The following MAGI2 variants were observed in gnomAD, a reference collection of about 807,000 sequenced individuals.
The protein encoded by MAGI2 is membrane-associated guanylate kinase, WW and PDZ domain-containing protein 2.
A neutral mutation model predicts 133.3 loss-of-function variants in MAGI2; 35 were observed. The observed-to-expected ratio is 0.26, with a 90% CI of 0.20 to 0.35. MAGI2 has a LOEUF of 0.35. MAGI2 is among the 10% of genes least tolerant of loss of function. The pLI is 1.00. For missense variants in MAGI2, 1,636 were observed against 1,863.4 expected (o/e 0.88, Z 2.25); for synonymous variants, 729 against 710.6 (o/e 1.03, Z -0.41).
At chr7:79,327,913 G>C (rs11977807) in intron 1 of MAGI2, among the ~76,000 whole-genome samples, 1 of 151,932 alleles carries the variant, frequency 6.6e-6, no homozygotes, top group African/African-American at 2.4e-5. Context: ...TTTTAAACTT[G>C]TATCAAATAT....
intron 1 of MAGI2, among the ~76,000 whole-genome samples, chr7:79,123,312 C>T (rs1820078001): frequency 6.6e-6 from 1 of 152,000 alleles, no homozygotes; most frequent in African/African-American, 2.4e-5. Context: ...TGAAGGGAAA[C>T]AGGGCTAATA....
At chr7:78,805,059 C>T (rs990579727) in intron 2 of MAGI2, among the ~76,000 whole-genome samples, 1 of 150,870 alleles carries the variant, frequency 6.6e-6, no homozygotes, top group Non-Finnish European at 1.5e-5. Flanking sequence ...CAGCAAGACT[C>T]TGTCTCAAAA....
intron 1 of MAGI2, among the ~76,000 whole-genome samples, chr7:79,368,000 A>G (rs1436176999): frequency 2.0e-5 from 3 of 151,776 alleles, no homozygotes. Flanking sequence ...TGTCTTCCAC[A>G]GGATAATTTC....
intron 2 of MAGI2, among the ~76,000 whole-genome samples, chr7:78,964,096 C>T (rs1803098766): frequency 6.6e-6 from 1 of 151,824 alleles, no homozygotes; most frequent in Non-Finnish European, 1.5e-5. Context: ...TTTAGCCCTC[C>T]TACTTTCCTT....
At chr7:79,415,419 G>C (rs1244203237) in intron 1 of MAGI2, 1 of 152,206 alleles carries the variant, frequency 6.6e-6, no homozygotes, top group Admixed American at 6.6e-5. Context: ...GACCCATCAA[G>C]CAGGTATGCG....
chr7:79,082,641 C>T (rs1259038795), intron 1 of MAGI2, among the ~76,000 whole-genome samples: 1 of 151,984 alleles, frequency 6.6e-6, no homozygotes, highest in Admixed American at 6.6e-5. Flanking sequence ...AATTTATAAG[C>T]TCTGCTACTT....
chr7:79,152,621 G>A (rs576758489), intron 1 of MAGI2, among the ~76,000 whole-genome samples: 5 of 152,182 alleles, frequency 3.3e-5, no homozygotes, highest in South Asian at 2.1e-4. Context: ...CCAGGGAGGC[G>A]GGAAGTGCTT....
chr7:78,754,370 C>CAAGT (rs36017820), intron 2 of MAGI2, among the ~76,000 whole-genome samples: 33,326 of 147,200 alleles, frequency 0.23, 3,957 homozygotes, highest in East Asian at 0.27. Context: ...GACCCTGTCT[C>CAAGT]AAATAAATAA....
chr7:78,098,712 AT>A, intron 20 of MAGI2, among the ~76,000 whole-genome samples: 1 of 152,208 alleles, frequency 6.6e-6, no homozygotes, highest in East Asian at 1.9e-4. Context: ...ATTTACACCA[AT>A]TTCCAGTAGT....
At chr7:79,062,733 C>T (rs1000818352) in intron 1 of MAGI2, among the ~76,000 whole-genome samples, 2 of 152,090 alleles carry the variant, frequency 1.3e-5, no homozygotes, top group African/African-American at 4.8e-5. Flanking sequence ...GAGGAAGCTC[C>T]TTCCACCTCC....
chr7:79,142,502 A>G (rs907023955), intron 1 of MAGI2, among the ~76,000 whole-genome samples: 25 of 152,204 alleles, frequency 1.6e-4, no homozygotes, highest in Non-Finnish European at 2.9e-4. Context: ...CGTTCTAGAA[A>G]GAGGACCTGA....
At chr7:78,748,233 T>G (rs1247189255) in intron 2 of MAGI2, among the ~76,000 whole-genome samples, 2 of 152,180 alleles carry the variant, frequency 1.3e-5, no homozygotes, top group Non-Finnish European at 2.9e-5. Flanking sequence ...AATATTGAAC[T>G]TTGGAATTAT....
chr7:78,866,599 G>A (rs1287041257), intron 2 of MAGI2, among the ~76,000 whole-genome samples: 1 of 151,828 alleles, frequency 6.6e-6, no homozygotes, highest in Non-Finnish European at 1.5e-5. Context: ...CTGCTTATCG[G>A]GGCTGCTGGA....
intron 2 of MAGI2, among the ~76,000 whole-genome samples, chr7:78,840,569 T>G (rs886707670): frequency 6.6e-6 from 1 of 152,016 alleles, no homozygotes; most frequent in African/African-American, 2.4e-5. Flanking sequence ...AGAGAAATGT[T>G]TTCAGCTGCT....
intron 9 of MAGI2, among the ~76,000 whole-genome samples, chr7:78,298,530 CAG>C (rs1797521609): frequency 1.3e-5 from 2 of 152,164 alleles, no homozygotes; most frequent in East Asian, 1.9e-4. Flanking sequence ...GTTTTTGAGA[CAG>C]AAACTCTGTC....
chr7:78,744,957 T>C (rs903002129), intron 2 of MAGI2, among the ~76,000 whole-genome samples: 1 of 152,198 alleles, frequency 6.6e-6, no homozygotes, highest in African/African-American at 2.4e-5. Context: ...TAATAATAGT[T>C]AGAGCTGACT....
chr7:79,262,710 G>A (rs1357246241), intron 1 of MAGI2, among the ~76,000 whole-genome samples: 1 of 152,324 alleles, frequency 6.6e-6, no homozygotes, highest in East Asian at 1.9e-4. Flanking sequence ...TGTGAGTTAT[G>A]TGACATGCAT....
intron 2 of MAGI2, among the ~76,000 whole-genome samples, chr7:78,837,420 T>G (rs1397576853): frequency 6.6e-6 from 1 of 152,140 alleles, no homozygotes; most frequent in Non-Finnish European, 1.5e-5. Context: ...TAATTAGATG[T>G]ATTGCTTTAC....
intron 1 of MAGI2, among the ~76,000 whole-genome samples, chr7:79,228,517 T>C (rs1259186442): frequency 1.3e-5 from 2 of 151,994 alleles, no homozygotes; most frequent in African/African-American, 4.8e-5. Context: ...GGTATTTTAT[T>C]GGATAAATTA....
Sources: gnomAD v4.1 joint callset for allele counts (sites outside exome capture counted in the v4.1 genomes callset) on GRCh38, gnomAD v4.1.1 for gene constraint, MANE v1.5 for transcripts, NCBI Gene and HGNC (gene_info 2026-07-23, HGNC 2026-07-21) for gene names.